The following SH3RF3 variants were observed in gnomAD, a reference collection of about 807,000 sequenced individuals.
The protein encoded by SH3RF3 is E3 ubiquitin-protein ligase SH3RF3.
Under a neutral mutation model 66.3 loss-of-function variants are expected in SH3RF3, and 29 were observed. The observed-to-expected ratio is 0.44, with a 90% confidence interval of 0.33 to 0.60. SH3RF3 has a LOEUF of 0.60. Among genes scored for constraint, SH3RF3 ranks in the 20% least tolerant of loss-of-function variants. The pLI is 0.04. For missense variants in SH3RF3, 1,194 were observed against 1,190.9 expected (o/e 1.00, Z -0.04); for synonymous variants, 583 against 532.0 (o/e 1.10, Z -1.32).
intron 8 of SH3RF3, among the ~76,000 whole-genome samples, chr2:109,486,693 C>T (rs1678986191): frequency 6.6e-6 from 1 of 152,078 alleles, no homozygotes; most frequent in Admixed American, 6.5e-5. Context: ...AGAGTTTGCA[C>T]CCAGCAGTGT....
intron 1 of SH3RF3, among the ~76,000 whole-genome samples, chr2:109,278,545 G>A (rs773326660): frequency 6.6e-6 from 1 of 152,196 alleles, no homozygotes; most frequent in East Asian, 1.9e-4. Flanking sequence ...CTGGAATGTC[G>A]GGCCCCAATG....
intron 8 of SH3RF3, among the ~76,000 whole-genome samples, chr2:109,479,535 A>T (rs182011974): frequency 6.6e-6 from 1 of 152,000 alleles, no homozygotes; most frequent in East Asian, 1.9e-4. Context: ...GGGTGTCGGG[A>T]TGTCCAGCTT....
intron 8 of SH3RF3, among the ~76,000 whole-genome samples, chr2:109,451,166 AAGCTC>A (rs1677856773): frequency 1.3e-5 from 2 of 152,228 alleles, no homozygotes; most frequent in South Asian, 4.1e-4. Context: ...GCAGCTAGCA[AAGCTC>A]AGGTCTGCTC....
intron 1 of SH3RF3, among the ~76,000 whole-genome samples, chr2:109,336,060 C>G (rs926198145): frequency 5.3e-5 from 8 of 152,178 alleles, no homozygotes; most frequent in African/African-American, 1.9e-4. Context: ...AGAAGGCATT[C>G]CTCTCCCTAC....
intron 8 of SH3RF3, among the ~76,000 whole-genome samples, chr2:109,451,602 T>G (rs1677868961): frequency 1.3e-5 from 2 of 152,260 alleles, no homozygotes; most frequent in South Asian, 4.1e-4. Context: ...GTGAAGCTAA[T>G]GAACACCAGC....
At chr2:109,384,753 C>G (rs759687566) in intron 3 of SH3RF3, among the ~76,000 whole-genome samples, 6 of 152,146 alleles carry the variant, frequency 3.9e-5, no homozygotes, top group South Asian at 2.1e-4. Context: ...GCCTTCTAGA[C>G]TAAAAGTTTC....
chr2:109,179,407 G>A (rs967775159), intron 1 of SH3RF3, among the ~76,000 whole-genome samples: 2 of 152,140 alleles, frequency 1.3e-5, no homozygotes, highest in African/African-American at 2.4e-5. Context: ...GTGGTGGCTC[G>A]GAGCTGGGGG....
chr2:109,145,863 G>A (rs558082184), intron 1 of SH3RF3, among the ~76,000 whole-genome samples: 100 of 152,258 alleles, frequency 6.6e-4, no homozygotes, highest in African/African-American at 2.2e-3. Flanking sequence ...GGACGGAGCC[G>A]CAGAGCTGGG....
intron 8 of SH3RF3, 26 bp from the exon 9 acceptor site, chr2:109,490,579 G>A: frequency 7.1e-7 from 1 of 1,407,376 alleles, no homozygotes; most frequent in South Asian, 1.6e-5. Flanking sequence ...TCACCTGTTT[G>A]GTTTCCATCT....
At chr2:109,230,015 AG>A (rs1173607509) in intron 1 of SH3RF3, among the ~76,000 whole-genome samples, 5 of 151,760 alleles carry the variant, frequency 3.3e-5, no homozygotes, top group African/African-American at 9.7e-5. Flanking sequence ...TAGTAGAGAC[AG>A]GGTTTCACCA....
chr2:109,294,232 T>C (rs1681253960), intron 1 of SH3RF3, among the ~76,000 whole-genome samples: 1 of 152,066 alleles, frequency 6.6e-6, no homozygotes, highest in Non-Finnish European at 1.5e-5. Flanking sequence ...GCTGGAGACA[T>C]GGGGAGCTGC....
chr2:109,275,226 G>T (rs995797810), intron 1 of SH3RF3, among the ~76,000 whole-genome samples: 1 of 152,166 alleles, frequency 6.6e-6, no homozygotes, highest in Non-Finnish European at 1.5e-5. Context: ...GTGAGGCCCC[G>T]CAGAGGCTGC....
intron 4 of SH3RF3, among the ~76,000 whole-genome samples, chr2:109,410,842 G>A (rs1485496248): frequency 2.5e-5 from 3 of 118,904 alleles, no homozygotes; most frequent in Non-Finnish European, 5.5e-5. Context: ...CTTTGAAGTC[G>A]GAGCAGAGAT....
intron 1 of SH3RF3, among the ~76,000 whole-genome samples, chr2:109,320,723 A>G (rs1364097410): frequency 6.6e-6 from 1 of 152,250 alleles, no homozygotes; most frequent in Non-Finnish European, 1.5e-5. Flanking sequence ...CCGCAGATGA[A>G]CAGACAAGTA....
chr2:109,185,946 C>T (rs1466053744), intron 1 of SH3RF3, among the ~76,000 whole-genome samples: 2 of 152,200 alleles, frequency 1.3e-5, no homozygotes, highest in Non-Finnish European at 2.9e-5. Flanking sequence ...GCCCTGTGCC[C>T]CGTGCTTGGC....
intron 8 of SH3RF3, among the ~76,000 whole-genome samples, chr2:109,485,254 T>A (rs1336662229): frequency 6.6e-6 from 1 of 152,274 alleles, no homozygotes; most frequent in African/African-American, 2.4e-5. Flanking sequence ...GACAGCCACC[T>A]GTCTCCACAT....
intron 8 of SH3RF3, among the ~76,000 whole-genome samples, chr2:109,457,663 C>G (rs2104669682): frequency 6.6e-6 from 1 of 152,372 alleles, no homozygotes. Flanking sequence ...CACATCAAGT[C>G]TAGATTCTGT....
At chr2:109,154,715 A>G (rs1677297341) in intron 1 of SH3RF3, among the ~76,000 whole-genome samples, 1 of 152,180 alleles carries the variant, frequency 6.6e-6, no homozygotes, top group South Asian at 2.1e-4. Flanking sequence ...GGTTTGGACA[A>G]GGTCTGTGGG....
At chr2:109,461,948 G>A (rs906397357) in intron 8 of SH3RF3, among the ~76,000 whole-genome samples, 13 of 152,016 alleles carry the variant, frequency 8.6e-5, no homozygotes, top group African/African-American at 7.3e-5. Flanking sequence ...TTTTAACTCT[G>A]GCTATAGGAG....
Sources: allele counts gnomAD v4.1 joint callset (sites outside exome capture counted in the v4.1 genomes callset), GRCh38; gene constraint gnomAD v4.1.1; transcripts MANE v1.5; gene names NCBI Gene and HGNC (gene_info 2026-07-23, HGNC 2026-07-21).